EHD4: variants seen among roughly 807,000 people sequenced by gnomAD.
EHD4 encodes EH domain-containing protein 4.
Under a neutral mutation model 51.0 loss-of-function variants are expected in EHD4, and 37 were observed. That is an observed-to-expected ratio of 0.73 (90% CI 0.56 to 0.95). The LOEUF (loss-of-function observed/expected upper bound fraction) is 0.95, where lower values mean the gene tolerates loss of function less well. Ranked by LOEUF, EHD4 falls within the 40% of genes least tolerant of loss-of-function variation. EHD4 has a pLI of 0.00. For synonymous variants in EHD4, 297 were observed against 317.3 expected (o/e 0.94, Z 0.68); for missense variants, 632 against 733.1 (o/e 0.86, Z 1.59).
chr15:41,953,842 G>A lies in EHD4; in HGVS notation c.335C>T (p.Thr112Ile). The change falls in exon 2 of 6, where the codon ACC (threonine) becomes ATC (isoleucine). Residue 112 changes from threonine to isoleucine, a missense_variant. Physicochemically the swap from Thr to Ile is moderately conservative, Grantham distance 89. Coordinates refer to ENST00000220325, the MANE Select transcript of EHD4 (RefSeq NM_139265.4). ...GTCCACGACTAAAGCATTCCCTGGG[G>A]TGCTGCCCTCAGTCTCTCCATACAT... ...AVMYGETEGS[T>I]PGNALVVDPK... 1 of 1,614,046 alleles carries A rather than the reference G, an allele frequency of 6.2e-7. No homozygotes were observed. The highest frequency in any genetic ancestry group is 1.1e-5 in the South Asian group (1 of 91,054).
intron 1 of EHD4, among the ~76,000 whole-genome samples, chr15:41,954,191 C>T (rs1160877189): frequency 3.9e-5 from 6 of 152,196 alleles, no homozygotes. Flanking sequence ...GGGAGCCTCC[C>T]TGACCTGCAT....
At chr15:41,963,023 T>C (rs1425117047) in intron 1 of EHD4, among the ~76,000 whole-genome samples, 1 of 152,212 alleles carries the variant, frequency 6.6e-6, no homozygotes, top group Non-Finnish European at 1.5e-5. Context: ...AAACATGTGC[T>C]GTGTCCACTC....
At chr15:41,908,983 G>A (rs931756142) in intron 5 of EHD4, among the ~76,000 whole-genome samples, 8 of 152,212 alleles carry the variant, frequency 5.3e-5, no homozygotes, top group East Asian at 1.9e-4. Context: ...ATAAGAAGAC[G>A]GCCAGCCTGG....
At chr15:41,969,494 C>A (rs550559011) in intron 1 of EHD4, among the ~76,000 whole-genome samples, 1 of 151,994 alleles carries the variant, frequency 6.6e-6, no homozygotes, top group Non-Finnish European at 1.5e-5. Context: ...TGCGGTGAGC[C>A]GAGATCATGC....
intron 3 of EHD4, chr15:41,921,805 G>A (rs189049018): frequency 6.6e-6 from 1 of 152,332 alleles, no homozygotes; most frequent in African/African-American, 2.4e-5. Flanking sequence ...GGGTTGTGGA[G>A]GCTGAAGGTG....
chr15:41,946,021 C>T (rs905422260), intron 2 of EHD4, among the ~76,000 whole-genome samples: 11 of 152,184 alleles, frequency 7.2e-5, no homozygotes, highest in African/African-American at 2.2e-4. Flanking sequence ...TTAATGTGCA[C>T]GGAAAGTGCT....
chr15:41,926,445 C>CTTTCTGTGTGGCT (rs1216665079), intron 3 of EHD4, among the ~76,000 whole-genome samples: 1 of 152,196 alleles, frequency 6.6e-6, no homozygotes, highest in African/African-American at 2.4e-5. Flanking sequence ...GCCCCCAGCA[C>CTTTCTGTGTGGCT]TTTCTGTGTG....
chr15:41,952,633 A>T (rs1207781196), intron 2 of EHD4, among the ~76,000 whole-genome samples: 1 of 152,058 alleles, frequency 6.6e-6, no homozygotes, highest in African/African-American at 2.4e-5. Flanking sequence ...GAGGAGTACA[A>T]ATAAAACACA....
chr15:41,912,184 C>T (rs1387451586), intron 4 of EHD4, among the ~76,000 whole-genome samples: 4 of 152,176 alleles, frequency 2.6e-5, no homozygotes, highest in Admixed American at 6.5e-5. Flanking sequence ...CTCCTCCTTC[C>T]GCCAGCTTGG....
chr15:41,967,159 C>T (rs1051146297), intron 1 of EHD4, among the ~76,000 whole-genome samples: 1 of 152,144 alleles, frequency 6.6e-6, no homozygotes, highest in African/African-American at 2.4e-5. Context: ...CCCCAGAAAC[C>T]GAGGCCTCAT....
Position 41,900,797 on chromosome 15 carries a change from C to A in EHD4, c.1474G>T (p.Asp492Tyr). The A allele has an allele frequency of 6.2e-7, 1 of 1,614,172 alleles. No homozygotes were observed. The highest frequency in any genetic ancestry group is 1.1e-5 in the South Asian group (1 of 91,082). The change falls in exon 6 of 6, where the codon GAC (aspartate) becomes TAC (tyrosine). Residue 492 changes from aspartate (D) to tyrosine (Y), a missense_variant. Asp to Tyr is a radical substitution (Grantham distance 160). Transcript: ENST00000220325. The surrounding 1 kb of genome is among the most constrained non-coding windows in gnomAD (Gnocchi z 4.8). ...SVLGKIWKLA[D>Y]CDCDGMLDEE... is the part of the protein sequence containing the mutation. ...TCAAGCATGCCGTCGCAGTCGCAGT[C>A]GGCCAGCTTCCAGATCTTGCCCAGG...
At chr15:41,909,894 T>A in intron 4 of EHD4, 31 bp from the exon 5 acceptor site, 1 of 1,612,238 alleles carries the variant, frequency 6.2e-7, no homozygotes, top group East Asian at 2.2e-5. Context: ...CAGGGAAGTG[T>A]CATTTAGAAT....
intron 5 of EHD4, among the ~76,000 whole-genome samples, chr15:41,903,626 T>TC (rs2067493659): frequency 1.3e-5 from 2 of 152,138 alleles, no homozygotes; most frequent in South Asian, 2.1e-4. Context: ...ATTAACCCTG[T>TC]CCCCTATAGC....
At position 41,896,923 on chromosome 15, in the gene EHD4, TAACTC is replaced by T. The variant is rs532427488; in HGVS notation, c.*3717_*3721del. The T allele has an allele frequency of 2.0e-5, 3 of 152,310 alleles. No homozygotes were observed. The South Asian group carries it at 6.2e-4, about 32-fold the overall frequency. The allele number at this position is 152,310 out of a possible 1,614,324, so 9.4% of individuals were successfully genotyped here. A position where few individuals can be genotyped will look rare whatever the true frequency, so the allele number is the denominator to read the frequency against. ...GGGGCTCACAGGCACACCCTCTCCC[TAACTC>T]TTCTCCCCCGGTTCAACCTGGATCC... On this transcript the variant is annotated 3_prime_UTR_variant, in exon 6 of 6. Coordinates refer to ENST00000220325, the MANE Select transcript of EHD4 (RefSeq NM_139265.4).
chr15:41,972,497 T>A lies in EHD4; in HGVS notation c.-3A>T. On this transcript the variant is annotated 5_prime_UTR_variant, in exon 1 of 6. Transcript: ENST00000220325. ...TGCCGCCCCATCCAGCTGAACATCC[T>A]GCCGCCAGTCCACGCTCGGATGGGA... is the stretch of plus-strand genomic sequence containing the variant. 6.6e-7 allele frequency: 1 copy of A among 1,510,772 alleles called. No individual in the cohort carries two copies. The highest frequency in any genetic ancestry group is 8.8e-7 in the Non-Finnish European group (1 of 1,132,738). 93.6% of individuals were successfully genotyped at this position (1,510,772 alleles called of 1,614,324 possible). A position where few individuals can be genotyped will look rare whatever the true frequency, so the allele number is the denominator to read the frequency against.
chr15:41,949,016 CTATATATATATATATATATA>C lies in EHD4; in HGVS notation c.413+4728_413+4747del, dbSNP rs3035677. On this transcript the variant is annotated intron_variant, in intron 2 of 5. Transcript: ENST00000220325. Reference sequence around the variant, plus strand: ...CTCCAGCCTGGGCAACAGAGTGAGACTATATATATATATATATATATATATATATATATATACACACATAC... The same window carrying C: ...CTCCAGCCTGGGCAACAGAGTGAGACTATATATATATATATACACACATAC... Among the ~76,000 whole-genome samples the C allele has an allele frequency of 2.7e-4, 25 of 92,476 alleles. No homozygotes were observed. The South Asian group carries it at 8.4e-3, about 31-fold the overall frequency. The allele number at this position is 92,476 out of a possible 152,430, so 60.7% of individuals were successfully genotyped here. A position where few individuals can be genotyped will look rare whatever the true frequency, so the allele number is the denominator to read the frequency against.
chr15:41,949,404 CA>C (rs1473299421), intron 2 of EHD4, among the ~76,000 whole-genome samples: 2 of 151,940 alleles, frequency 1.3e-5, no homozygotes, highest in African/African-American at 4.8e-5. Flanking sequence ...AATCAAAACT[CA>C]AAAGCTAAAC....
intron 2 of EHD4, among the ~76,000 whole-genome samples, chr15:41,953,284 T>C (rs1177770545): frequency 2.0e-5 from 3 of 152,178 alleles, no homozygotes; most frequent in Non-Finnish European, 4.4e-5. Flanking sequence ...ACATTGCCAG[T>C]GACGAGGAGC....
intron 2 of EHD4, among the ~76,000 whole-genome samples, chr15:41,943,725 T>C (rs912811608): frequency 6.6e-6 from 1 of 152,222 alleles, no homozygotes; most frequent in Non-Finnish European, 1.5e-5. Context: ...ACTGGCCCAC[T>C]GGGCTGGAGA....
Sources: allele counts gnomAD v4.1 joint callset (sites outside exome capture counted in the v4.1 genomes callset), GRCh38; gene constraint gnomAD v4.1.1; non-coding constraint Gnocchi (gnomAD v3.1); transcripts MANE v1.5; gene names NCBI Gene and HGNC (gene_info 2026-07-23, HGNC 2026-07-21).